The following PTPRD variants were observed in gnomAD, a reference collection of about 807,000 sequenced individuals.
PTPRD encodes the protein receptor-type tyrosine-protein phosphatase delta.
In PTPRD, 34 loss-of-function variants were observed where a neutral mutation model predicts 214.5. That is an observed-to-expected ratio of 0.16 (90% CI 0.12 to 0.21). The LOEUF is 0.21. PTPRD is among the 10% of genes least tolerant of loss of function. The pLI is 1.00. For synonymous variants in PTPRD, 1,128 were observed against 845.7 expected, an observed-to-expected ratio of 1.33 and a Z score of -5.79; for missense variants, 2,545 against 2,398.7, an observed-to-expected ratio of 1.06 and a Z score of -1.27.
chr9:10,083,363 T>C (rs963452677), intron 3 of PTPRD, among the ~76,000 whole-genome samples: 1 of 152,036 alleles, frequency 6.6e-6, no homozygotes, highest in Non-Finnish European at 1.5e-5. Context: ...GGTTTTCATA[T>C]ACACAGATTA....
At chr9:10,170,989 A>G (rs942623025) in intron 3 of PTPRD, among the ~76,000 whole-genome samples, 1 of 152,162 alleles carries the variant, frequency 6.6e-6, no homozygotes, top group Non-Finnish European at 1.5e-5. Flanking sequence ...TGCAATCATT[A>G]CTTCTGCAGT....
chr9:8,817,167 T>A (rs1479135929), intron 11 of PTPRD, among the ~76,000 whole-genome samples: 2 of 152,218 alleles, frequency 1.3e-5, no homozygotes, highest in Non-Finnish European at 2.9e-5. Flanking sequence ...CAACTCCATT[T>A]CTATGACATT....
intron 3 of PTPRD, among the ~76,000 whole-genome samples, chr9:10,091,980 A>T (rs16931049): frequency 0.021 from 3,141 of 151,440 alleles, 109 homozygotes; most frequent in African/African-American, 0.069. Context: ...AGCATAGATA[A>T]CTTAGGGTTT....
At chr9:8,969,452 G>C (rs911448836) in intron 11 of PTPRD, among the ~76,000 whole-genome samples, 1 of 151,992 alleles carries the variant, frequency 6.6e-6, no homozygotes. Flanking sequence ...TTGTGTTATT[G>C]AAGAGTTAGA....
chr9:9,698,444 G>C (rs555110913), intron 7 of PTPRD, among the ~76,000 whole-genome samples: 1 of 152,138 alleles, frequency 6.6e-6, no homozygotes, highest in Admixed American at 6.6e-5. Context: ...GATCCCAAAG[G>C]GCAAATGCCA....
At chr9:9,781,831 C>T (rs984404372) in intron 5 of PTPRD, among the ~76,000 whole-genome samples, 3 of 147,520 alleles carry the variant, frequency 2.0e-5, no homozygotes, top group Non-Finnish European at 3.0e-5. Context: ...CTCGCTCTGT[C>T]GCCCAGGCTG....
chr9:8,450,712 C>A (rs759847423), intron 33 of PTPRD, among the ~76,000 whole-genome samples: 1 of 152,094 alleles, frequency 6.6e-6, no homozygotes, highest in South Asian at 2.1e-4. Context: ...AATTTCTAAG[C>A]AAGAAATGTC....
At chr9:10,100,802 G>A (rs1461810571) in intron 3 of PTPRD, among the ~76,000 whole-genome samples, 3 of 151,416 alleles carry the variant, frequency 2.0e-5, no homozygotes, top group East Asian at 1.9e-4. Context: ...AGCTGGGGAC[G>A]ATCCTCCTTG....
intron 5 of PTPRD, among the ~76,000 whole-genome samples, chr9:9,828,986 C>T (rs1023638721): frequency 1.3e-5 from 2 of 151,890 alleles, no homozygotes; most frequent in East Asian, 1.9e-4. Flanking sequence ...ATTTATCCTG[C>T]CTAATACATC....
intron 3 of PTPRD, among the ~76,000 whole-genome samples, chr9:10,246,307 G>C (rs187437844): frequency 3.4e-4 from 52 of 152,228 alleles, no homozygotes; most frequent in Non-Finnish European, 6.5e-4. Flanking sequence ...GCAATAGCTC[G>C]GTCTTGGCTC....
intron 8 of PTPRD, among the ~76,000 whole-genome samples, chr9:9,427,975 C>G (rs941717567): frequency 1.3e-5 from 2 of 152,120 alleles, no homozygotes; most frequent in Non-Finnish European, 2.9e-5. Flanking sequence ...ATTGTAAAGA[C>G]CATCAATGCT....
intron 12 of PTPRD, among the ~76,000 whole-genome samples, chr9:8,711,910 A>T (rs527304852): frequency 6.6e-6 from 1 of 152,238 alleles, no homozygotes; most frequent in Non-Finnish European, 1.5e-5. Flanking sequence ...AACATGGATG[A>T]ATCTTAAATG....
chr9:8,842,942 C>G (rs2097588893), intron 11 of PTPRD, among the ~76,000 whole-genome samples: 1 of 152,084 alleles, frequency 6.6e-6, no homozygotes, highest in Non-Finnish European at 1.5e-5. Flanking sequence ...TAAGACAGAT[C>G]TATCTGCTTT....
intron 2 of PTPRD, among the ~76,000 whole-genome samples, chr9:10,607,134 T>C (rs933919686): frequency 6.6e-6 from 1 of 151,876 alleles, no homozygotes; most frequent in Admixed American, 6.6e-5. Context: ...TCTCTTCCTT[T>C]TTAGCATCTA....
chr9:8,834,774 G>A (rs1387933139), intron 11 of PTPRD, among the ~76,000 whole-genome samples: 7 of 152,306 alleles, frequency 4.6e-5, no homozygotes, highest in African/African-American at 9.6e-5. Flanking sequence ...TAAAGACAAT[G>A]ATTTGTAACA....
chr9:9,199,142 A>G (rs769288995), intron 9 of PTPRD, among the ~76,000 whole-genome samples: 4 of 152,194 alleles, frequency 2.6e-5, no homozygotes, highest in Admixed American at 6.5e-5. Context: ...ATCATCCCCT[A>G]GGTAAAAAAA....
At chr9:9,871,542 A>G (rs2065427498) in intron 5 of PTPRD, among the ~76,000 whole-genome samples, 1 of 152,218 alleles carries the variant, frequency 6.6e-6, no homozygotes, top group African/African-American at 2.4e-5. Context: ...GCTCAGGGGC[A>G]GAGTGTAAGC....
At chr9:9,846,811 T>G (rs2059618072) in intron 5 of PTPRD, among the ~76,000 whole-genome samples, 2 of 152,120 alleles carry the variant, frequency 1.3e-5, no homozygotes, top group East Asian at 1.9e-4. Context: ...GAGGATTTCC[T>G]TTTGATTGAC....
chr9:9,297,760 A>G (rs1381027500), intron 9 of PTPRD, among the ~76,000 whole-genome samples: 1 of 151,684 alleles, frequency 6.6e-6, no homozygotes, highest in African/African-American at 2.4e-5. Context: ...AAAATATTGG[A>G]AAATTCAAGG....
Sources: allele counts gnomAD v4.1 joint callset (sites outside exome capture counted in the v4.1 genomes callset), GRCh38; gene constraint gnomAD v4.1.1; transcripts MANE v1.5; gene names NCBI Gene and HGNC (gene_info 2026-07-23, HGNC 2026-07-21).